The following KIAA0825 variants were observed in gnomAD, a reference collection of about 807,000 sequenced individuals.
KIAA0825 encodes uncharacterized protein KIAA0825.
In KIAA0825, 119 loss-of-function variants were observed where a neutral mutation model predicts 147.6. The observed-to-expected ratio is 0.81, with a 90% CI of 0.69 to 0.94. The LOEUF (loss-of-function observed/expected upper bound fraction) is 0.94, where lower values mean the gene tolerates loss of function less well. KIAA0825 is among the 40% of genes least tolerant of loss of function. The pLI, the probability that KIAA0825 is intolerant of heterozygous loss-of-function variation, is 0.00. For missense variants in KIAA0825, 1,381 were observed against 1,472.7 expected (o/e 0.94, Z 1.02); for synonymous variants, 470 against 518.1 (o/e 0.91, Z 1.26).
chr5:94,191,414 G>T (rs1562304318), intron 20 of KIAA0825, among the ~76,000 whole-genome samples: 1 of 152,004 alleles, frequency 6.6e-6, no homozygotes, highest in Non-Finnish European at 1.5e-5. Context: ...TCATCATGCA[G>T]AAAATAGTCT....
rs567232975 is a variant in KIAA0825 at position 94,552,658 on chromosome 5, A to G, written c.-1-15531T>C. Among the ~76,000 whole-genome samples the G allele has an allele frequency of 1.1e-3, 169 of 152,342 alleles. 1 individual carries two copies. Among genetic ancestry groups the G allele is most frequent in the African/African-American group, 3.8e-3 (157 of 41,586 alleles). On this transcript the variant is annotated intron_variant, in intron 2 of 20. Transcript: ENST00000682413. ...GAAACAACATGTTCCTGAATGACCA[A>G]TGGGTGAAGAAAGATATTATGAAGA...
At chr5:94,569,400 G>A (rs892523717) in intron 2 of KIAA0825, 3 of 392,896 alleles carry the variant, frequency 7.6e-6, no homozygotes, top group African/African-American at 6.3e-5. Context: ...ATAGGAGAAG[G>A]CTTAGAAGAA....
intron 14 of KIAA0825, among the ~76,000 whole-genome samples, chr5:94,429,626 T>A (rs1369540147): frequency 6.6e-5 from 10 of 152,130 alleles, no homozygotes; most frequent in Non-Finnish European, 1.5e-4. Context: ...AATGGGTTGA[T>A]TCGTGAGATG....
chr5:94,348,838 G>C (rs1294771581), intron 20 of KIAA0825, among the ~76,000 whole-genome samples: 1 of 152,134 alleles, frequency 6.6e-6, no homozygotes, highest in Non-Finnish European at 1.5e-5. Flanking sequence ...CCTTTTTAAA[G>C]CTTAAATCAC....
At chr5:94,278,122 G>T (rs1193635195) in intron 20 of KIAA0825, among the ~76,000 whole-genome samples, 2 of 152,016 alleles carry the variant, frequency 1.3e-5, no homozygotes, top group African/African-American at 2.4e-5. Flanking sequence ...GGGGGTTGGG[G>T]GCAAGTGGAG....
chr5:94,473,443 G>A lies in KIAA0825; in HGVS notation c.1304C>T (p.Ala435Val), dbSNP rs1302812318. Reference protein sequence around the residue: ...SLPMAHCVVTAIEGFSTKILQ... With the variant: ...SLPMAHCVVTVIEGFSTKILQ... ...AATTTTTGTGGAAAAACCTTCAATT[G>A]CAGTTACTACGCAGTGCGCCATGGG... Residue 435 changes from alanine to valine, a missense_variant, in exon 8 of 21, where the codon GCA (alanine) becomes GTA (valine). Ala to Val is a moderately conservative substitution (Grantham distance 64, BLOSUM62 0). Transcript: ENST00000682413. 1.3e-6 allele frequency: 2 copies of A among 1,551,814 alleles called. No individual in the cohort carries two copies. Among genetic ancestry groups the A allele is most frequent in the East Asian group, 4.9e-5 (2 of 40,912 alleles).
At chr5:94,469,535 G>A (rs574989142) in intron 10 of KIAA0825, among the ~76,000 whole-genome samples, 2 of 152,212 alleles carry the variant, frequency 1.3e-5, no homozygotes, top group African/African-American at 4.8e-5. Flanking sequence ...TAAGTATAAA[G>A]AATAAAGCTG....
chr5:94,569,412 AC>A, intron 2 of KIAA0825: 1 of 399,538 alleles, frequency 2.5e-6, no homozygotes, highest in Non-Finnish European at 4.6e-6. Flanking sequence ...TTAGAAGAAA[AC>A]CCCACAAACC....
intron 2 of KIAA0825, among the ~76,000 whole-genome samples, chr5:94,563,448 T>G (rs539058042): frequency 6.6e-6 from 1 of 152,238 alleles, no homozygotes; most frequent in Admixed American, 6.5e-5. Context: ...GAAACTGATG[T>G]TCTTGACAGG....
chr5:94,601,131 C>A (rs1786347820), intron 1 of KIAA0825, among the ~76,000 whole-genome samples: 1 of 152,116 alleles, frequency 6.6e-6, no homozygotes, highest in African/African-American at 2.4e-5. Flanking sequence ...CTGGATGACC[C>A]CAACTGGGGT....
chr5:94,396,489 G>T lies in KIAA0825; in HGVS notation c.2908C>A (p.Gln970Lys), dbSNP rs1276319225. Reference sequence around the variant, plus strand: ...TTGCTGATTACAATAGATACTGCCTGAGCAGTAAGCCTTGTGAAGCCTGGG... The same window carrying T: ...TTGCTGATTACAATAGATACTGCCTTAGCAGTAAGCCTTGTGAAGCCTGGG... ...SCKSFTRLTA[Q>K]AVSIVISKLP... is the part of the protein sequence containing the mutation. Residue 970 changes from glutamine (Q) to lysine (K), a missense_variant, in exon 17 of 21, where the codon CAG (glutamine) becomes AAG (lysine). Coordinates refer to ENST00000682413, the MANE Select transcript of KIAA0825 (RefSeq NM_001145678.3). 1 of 1,499,124 alleles carries T rather than the reference G, an allele frequency of 6.7e-7. No homozygotes were observed. Among genetic ancestry groups the T allele is most frequent in the South Asian group, 1.4e-5 (1 of 73,294 alleles). 92.9% of individuals were successfully genotyped at this position (1,499,124 alleles called of 1,614,324 possible). A position where few individuals can be genotyped will look rare whatever the true frequency, so the allele number is the denominator to read the frequency against.
intron 1 of KIAA0825, among the ~76,000 whole-genome samples, chr5:94,584,348 A>G (rs1215696395): frequency 6.6e-6 from 1 of 152,196 alleles, no homozygotes; most frequent in Non-Finnish European, 1.5e-5. Context: ...AGCTTAAATG[A>G]CCTGATGGTC....
At chr5:94,467,241 GGTTTTCATTAAACTA>G (rs1213712883) in intron 10 of KIAA0825, among the ~76,000 whole-genome samples, 1 of 151,960 alleles carries the variant, frequency 6.6e-6, no homozygotes, top group Non-Finnish European at 1.5e-5. Flanking sequence ...TGTATGCAAG[GGTTTTCATTAAACTA>G]AATGTGGTTC....
At chr5:94,376,609 AAAAC>A (rs57714508) in intron 20 of KIAA0825, among the ~76,000 whole-genome samples, 2,765 of 152,138 alleles carry the variant, frequency 0.018, 67 homozygotes, top group African/African-American at 0.057. Context: ...ATCTCTGCAA[AAAAC>A]AAACAAACAA....
intron 5 of KIAA0825, among the ~76,000 whole-genome samples, chr5:94,495,959 A>C (rs933638763): frequency 6.6e-6 from 1 of 152,258 alleles, no homozygotes; most frequent in Non-Finnish European, 1.5e-5. Flanking sequence ...GCTTTGTTTA[A>C]TAAACACAAA....
intron 12 of KIAA0825, among the ~76,000 whole-genome samples, chr5:94,458,485 C>A (rs75286328): frequency 1.3e-5 from 2 of 152,050 alleles, no homozygotes; most frequent in African/African-American, 2.4e-5. Flanking sequence ...AAAGACTGGA[C>A]CTTGGGGTAC....
At chr5:94,458,969 T>A (rs1361739132) in intron 12 of KIAA0825, among the ~76,000 whole-genome samples, 1 of 152,162 alleles carries the variant, frequency 6.6e-6, no homozygotes, top group African/African-American at 2.4e-5. Flanking sequence ...TCATTAGCTG[T>A]CACTCCCCAT....
intron 2 of KIAA0825, among the ~76,000 whole-genome samples, chr5:94,542,717 G>A (rs1773577108): frequency 1.3e-5 from 2 of 152,060 alleles, no homozygotes; most frequent in East Asian, 3.9e-4. Flanking sequence ...TGAGGCAGGA[G>A]AATCACTTGA....
intron 20 of KIAA0825, among the ~76,000 whole-genome samples, chr5:94,380,429 C>T (rs1370400043): frequency 1.3e-5 from 2 of 152,222 alleles, no homozygotes; most frequent in Non-Finnish European, 2.9e-5. Flanking sequence ...ATACACACTA[C>T]TTAGAGCCTG....
Sources: gnomAD v4.1 joint callset for allele counts (sites outside exome capture counted in the v4.1 genomes callset) on GRCh38, gnomAD v4.1.1 for gene constraint, MANE v1.5 for transcripts, NCBI Gene and HGNC (gene_info 2026-07-23, HGNC 2026-07-21) for gene names.